ADGRV1: variants seen among roughly 807,000 people sequenced by gnomAD.
ADGRV1 encodes the protein G-protein coupled receptor 98.
ADGRV1 carries 359 observed loss-of-function variants against 596.2 expected under a neutral mutation model. That is an observed-to-expected ratio of 0.60 (90% CI 0.55 to 0.66). ADGRV1 has a LOEUF of 0.66. ADGRV1 is among the 30% of genes least tolerant of loss of function. The pLI, the probability that ADGRV1 is intolerant of heterozygous loss-of-function variation, is 0.00. For synonymous variants in ADGRV1, 2,681 were observed against 2,679.2 expected, an observed-to-expected ratio of 1.00 and a Z score of -0.02; for missense variants, 7,274 against 7,575.6, an observed-to-expected ratio of 0.96 and a Z score of 1.48.
At chr5:91,125,488 A>G (rs1465651614) in intron 87 of ADGRV1, among the ~76,000 whole-genome samples, 1 of 152,230 alleles carries the variant, frequency 6.6e-6, no homozygotes, top group Non-Finnish European at 1.5e-5. Context: ...CCTAAGGTCC[A>G]TAGAGAATCC....
Position 90,692,613 on chromosome 5 carries a change from A to G in ADGRV1, c.6960A>G (p.Gln2320=). 1.2e-6 allele frequency: 2 copies of G among 1,607,142 alleles called. No homozygotes were observed. The highest frequency in any genetic ancestry group is 1.7e-6 in the Non-Finnish European group (2 of 1,177,150). Residue 2320 remains glutamine (Q), a synonymous_variant, in exon 32 of 90, where the codon CAA becomes CAG. Transcript: ENST00000405460. Reference sequence around the variant, plus strand: ...TTTCACTGTATTTTTAGGTTATCCAAGTGCAACTAACTGATGCCTCTGGTG... The same window carrying G: ...TTTCACTGTATTTTTAGGTTATCCAGGTGCAACTAACTGATGCCTCTGGTG... The part of the protein sequence containing the change: ...DDVPEIEEVI[Q]VQLTDASGGG...
chr5:90,997,632 A>C (rs1781526623), intron 85 of ADGRV1, among the ~76,000 whole-genome samples: 1 of 152,172 alleles, frequency 6.6e-6, no homozygotes, highest in Admixed American at 6.5e-5. Context: ...CATTTTCACA[A>C]ACTCATTGTA....
intron 59 of ADGRV1, among the ~76,000 whole-genome samples, chr5:90,765,384 A>G (rs892967071): frequency 2.7e-5 from 4 of 149,574 alleles, no homozygotes; most frequent in South Asian, 2.1e-4. Flanking sequence ...TATGTCTGGG[A>G]TTTTTTTGGA....
rs928676502 is a variant in ADGRV1 at position 90,627,627 on chromosome 5, A to G, written c.1089A>G (p.Leu363=). ...EIAESFHIML[L]KDTLQGDAVL... Reference sequence around the variant, plus strand: ...CTGAATCGTTTCACATTATGTTACTAAAAGATACCTTACAGGGAGATGCTG... The same window carrying G: ...CTGAATCGTTTCACATTATGTTACTGAAAGATACCTTACAGGGAGATGCTG... Residue 363 remains leucine, a synonymous_variant, in exon 7 of 90, where the codon CTA becomes CTG. Transcript: ENST00000405460. The G allele has an allele frequency of 1.2e-6, 2 of 1,613,798 alleles. No homozygotes were observed. Among genetic ancestry groups the G allele is most frequent in the African/African-American group, 2.7e-5 (2 of 74,914 alleles).
chr5:91,092,099 G>T (rs185791887), intron 86 of ADGRV1, among the ~76,000 whole-genome samples: 1 of 152,188 alleles, frequency 6.6e-6, no homozygotes, highest in Admixed American at 6.5e-5. Context: ...AATAGAAGAT[G>T]CTGAGATGTC....
intron 25 of ADGRV1, among the ~76,000 whole-genome samples, chr5:90,679,208 C>T (rs1292350292): frequency 3.3e-5 from 5 of 152,000 alleles, no homozygotes; most frequent in Admixed American, 2.6e-4. Flanking sequence ...ATTATATAAT[C>T]AGATAAATAT....
chr5:90,643,166 A>G (rs1767217806), intron 13 of ADGRV1, 125 bp downstream of exon 13: 2 of 856,468 alleles, frequency 2.3e-6, no homozygotes, highest in Non-Finnish European at 3.4e-6. Context: ...AAGACTGAGA[A>G]GTACATAGAT....
chr5:90,903,860 T>C (rs1772072294), intron 83 of ADGRV1, among the ~76,000 whole-genome samples: 1 of 151,990 alleles, frequency 6.6e-6, no homozygotes, highest in Non-Finnish European at 1.5e-5. Context: ...TACTAGGTCT[T>C]ATTCATTCTA....
intron 74 of ADGRV1, among the ~76,000 whole-genome samples, chr5:90,814,329 G>C (rs1297750541): frequency 6.6e-6 from 1 of 152,218 alleles, no homozygotes; most frequent in East Asian, 1.9e-4. Flanking sequence ...TATCAGGACA[G>C]TTCAGTGGTT....
At chr5:90,961,978 T>A (rs1778072697) in intron 83 of ADGRV1, among the ~76,000 whole-genome samples, 1 of 152,206 alleles carries the variant, frequency 6.6e-6, no homozygotes, top group Admixed American at 6.5e-5. Flanking sequence ...CCTAGAATGT[T>A]AGCACTTCGA....
At chr5:90,615,654 A>G (rs1763271871) in intron 2 of ADGRV1, among the ~76,000 whole-genome samples, 1 of 151,920 alleles carries the variant, frequency 6.6e-6, no homozygotes, top group Non-Finnish European at 1.5e-5. Context: ...ATCTTAAGAA[A>G]TAGGCTTAAT....
In ADGRV1 at chr5:90,627,290, C is replaced by A. The variant is rs1764891857; in HGVS notation, c.752C>A (p.Ser251Tyr). 2 of 1,611,420 alleles carry A rather than the reference C, an allele frequency of 1.2e-6. No individual in the cohort carries two copies. The highest frequency in any genetic ancestry group is 1.7e-6 in the Non-Finnish European group (2 of 1,178,114). ...GGAEINTSRNSIEIIIKKNDS... is the reference protein window; with the variant it reads ...GGAEINTSRNYIEIIIKKNDS... Reference sequence around the variant, plus strand: ...GCTGAGATTAACACCTCTAGGAATTCCATTGAGATCATCATTAAGAAAAAT... The same window carrying A: ...GCTGAGATTAACACCTCTAGGAATTACATTGAGATCATCATTAAGAAAAAT... Residue 251 changes from serine to tyrosine, a missense_variant, in exon 7 of 90, where the codon TCC (serine) becomes TAC (tyrosine). Transcript: ENST00000405460.
intron 34 of ADGRV1, among the ~76,000 whole-genome samples, chr5:90,699,894 T>G (rs1372434482): frequency 6.6e-6 from 1 of 152,216 alleles, no homozygotes; most frequent in Admixed American, 6.5e-5. Flanking sequence ...AAGGTGTTAT[T>G]GGTTAAAAAT....
At chr5:91,127,120 C>G (rs377498737) in intron 87 of ADGRV1, among the ~76,000 whole-genome samples, 1 of 152,260 alleles carries the variant, frequency 6.6e-6, no homozygotes, top group African/African-American at 2.4e-5. Flanking sequence ...TTGTAATCTG[C>G]CTTAGGTCAG....
intron 84 of ADGRV1, among the ~76,000 whole-genome samples, chr5:90,972,770 C>T (rs1342515876): frequency 3.9e-5 from 6 of 152,000 alleles, no homozygotes; most frequent in Admixed American, 1.3e-4. Flanking sequence ...AAAATTGACA[C>T]GCTAACATCA....
At chr5:90,885,548 A>T (rs1770198049) in intron 83 of ADGRV1, among the ~76,000 whole-genome samples, 1 of 152,178 alleles carries the variant, frequency 6.6e-6, no homozygotes, top group Admixed American at 6.6e-5. Context: ...ATCAGCATAT[A>T]GTAAGTTTAT....
At chr5:91,130,235 G>A (rs1397082421) in intron 87 of ADGRV1, among the ~76,000 whole-genome samples, 11 of 144,032 alleles carry the variant, frequency 7.6e-5, no homozygotes, top group Admixed American at 6.9e-5. Flanking sequence ...TTTCTAAATT[G>A]AAAAAAAAAA....
At chr5:90,612,741 T>C (rs542342756) in intron 1 of ADGRV1, among the ~76,000 whole-genome samples, 1 of 152,176 alleles carries the variant, frequency 6.6e-6, no homozygotes, top group South Asian at 2.1e-4. Flanking sequence ...TAAAATGCAA[T>C]ATCAGAATAT....
At chr5:91,063,510 C>A (rs1344657979) in intron 85 of ADGRV1, among the ~76,000 whole-genome samples, 4 of 152,228 alleles carry the variant, frequency 2.6e-5, no homozygotes, top group African/African-American at 7.2e-5. Context: ...AATCCTAGAA[C>A]ATGAAGCATT....
Sources: allele counts gnomAD v4.1 joint callset (sites outside exome capture counted in the v4.1 genomes callset), GRCh38; gene constraint gnomAD v4.1.1; transcripts MANE v1.5; gene names NCBI Gene and HGNC (gene_info 2026-07-23, HGNC 2026-07-21).